The following MAP3K15 variants were observed in gnomAD, a reference collection of about 807,000 sequenced individuals.
MAP3K15 encodes MAPK/ERK kinase kinase 15.
MAP3K15 carries 124 observed loss-of-function variants against 99.5 expected under a neutral mutation model. The ratio of observed to expected loss-of-function variants is 1.25; its 90% confidence interval spans 1.08 to 1.45. The LOEUF is 1.45. MAP3K15 is among the 40% of genes most tolerant of loss of function. The pLI is 0.00. For missense variants in MAP3K15, 1,242 were observed against 1,079.7 expected, an observed-to-expected ratio of 1.15 and a Z score of -2.11; for synonymous variants, 494 against 439.6, an observed-to-expected ratio of 1.12 and a Z score of -1.55.
chrX:19,463,960 C>A (rs972584474), intron 4 of MAP3K15, among the ~76,000 whole-genome samples: 1 of 110,609 alleles, frequency 9.0e-6, no homozygotes, highest in African/African-American at 3.3e-5. Flanking sequence ...AGAGACAGAA[C>A]AATCAGAGAG....
intron 6 of MAP3K15, among the ~76,000 whole-genome samples, chrX:19,434,202 C>T (rs938958923): frequency 9.2e-6 from 1 of 108,925 alleles, no homozygotes; most frequent in Non-Finnish European, 1.9e-5. Context: ...ATAAATTATT[C>T]TTTTTAATTT....
rs762380428 is a variant in MAP3K15, at chrX:19,373,824, G to C, written c.2774-129C>G. On this transcript the variant is annotated intron_variant, in intron 20 of 28. Coordinates refer to ENST00000338883, the MANE Select transcript of MAP3K15 (RefSeq NM_001001671.4). ...CAGGATCCTGTAGAAATGTGGGTTG[G>C]GCGGGGGACGGGCCACAGGTGCTGT... 6.4e-4 allele frequency: 444 copies of C among 694,912 alleles called. 4 individuals are homozygous for C. The African/African-American group carries it at 8.7e-3, about 14-fold the overall frequency. The allele number at this position is 694,912 out of a possible 1,213,427, so 57.3% of individuals were successfully genotyped here. A position where few individuals can be genotyped will look rare whatever the true frequency, so the allele number is the denominator to read the frequency against.
At chrX:19,467,571 A>C (rs1375952538) in intron 3 of MAP3K15, among the ~76,000 whole-genome samples, 1 of 110,231 alleles carries the variant, frequency 9.1e-6, no homozygotes, top group Non-Finnish European at 1.9e-5. Flanking sequence ...GTTAGAGACC[A>C]GCCTGGCCAA....
intron 13 of MAP3K15, among the ~76,000 whole-genome samples, chrX:19,401,045 C>T (rs138957995): frequency 1.4e-3 from 158 of 111,566 alleles, no homozygotes; most frequent in African/African-American, 4.7e-3. Context: ...TTAGAATTAA[C>T]CATTTTTCTA....
Position 19,510,013 on chromosome X carries a change from T to C in MAP3K15, c.361+4888A>G, listed in dbSNP as rs769663051. On this transcript the variant is annotated intron_variant, in intron 1 of 28. Coordinates refer to ENST00000338883, the MANE Select transcript of MAP3K15 (RefSeq NM_001001671.4). ...AATCTAGAAGAAATGGATAAATTTC[T>C]GGACACATACACCCTCCCAAGACAA... 5.6e-4 allele frequency among the ~76,000 whole-genome samples: 63 copies of C among 111,958 alleles called. 1 individual carries two copies. Among genetic ancestry groups the C allele is most frequent in the Non-Finnish European group, 2.3e-4 (12 of 53,220 alleles).
chrX:19,469,039 T>C (rs1252867555), intron 3 of MAP3K15, among the ~76,000 whole-genome samples: 1 of 111,364 alleles, frequency 9.0e-6, no homozygotes, highest in African/African-American at 3.3e-5. Flanking sequence ...TTTGTAGATA[T>C]ACAATCATGT....
chrX:19,515,307 C>A lies in MAP3K15; in HGVS notation c.-46G>T. 1.2e-6 allele frequency: 1 copy of A among 814,724 alleles called. No individual in the cohort carries two copies. The highest frequency in any genetic ancestry group is 1.5e-6 in the Non-Finnish European group (1 of 668,078). 67.1% of individuals were successfully genotyped at this position (814,724 alleles called of 1,213,427 possible). ...CCCCTGGGCGAGTGGCCAGCGGCTG[C>A]GATCCGCTAGGAGGCACAAGTTACA... On this transcript the variant is annotated 5_prime_UTR_variant, in exon 1 of 29. Transcript: ENST00000338883.
At chrX:19,459,763 C>T (rs1469166990) in intron 5 of MAP3K15, among the ~76,000 whole-genome samples, 1 of 112,061 alleles carries the variant, frequency 8.9e-6, no homozygotes, top group African/African-American at 3.2e-5. Context: ...GGCAGGAGAA[C>T]AGCTTGAACC....
chrX:19,442,863 C>T (rs903812385), intron 6 of MAP3K15, among the ~76,000 whole-genome samples: 3 of 105,148 alleles, frequency 2.9e-5, no homozygotes, highest in African/African-American at 1.0e-4. Context: ...CCTGGGATTA[C>T]AGGTGCGCAC....
At chrX:19,410,448 A>C (rs1354597249) in intron 11 of MAP3K15, among the ~76,000 whole-genome samples, 1 of 111,789 alleles carries the variant, frequency 8.9e-6, no homozygotes, top group African/African-American at 3.3e-5. Flanking sequence ...AGCTAGAGAG[A>C]TATACAGTGG....
chrX:19,398,405 C>A (rs371303136), intron 14 of MAP3K15, 46 bp from the exon 15 acceptor site: 86 of 1,188,585 alleles, frequency 7.2e-5, no homozygotes, highest in Non-Finnish European at 9.4e-5. Flanking sequence ...CAACTTGTAG[C>A]GGAGAAGCCC....
At chrX:19,430,647 T>G (rs1387373652) in intron 7 of MAP3K15, among the ~76,000 whole-genome samples, 1 of 111,301 alleles carries the variant, frequency 9.0e-6, no homozygotes, top group Non-Finnish European at 1.9e-5. Context: ...CTCCATTTGA[T>G]GTTCCTTCTC....
intron 15 of MAP3K15, 69 bp from the exon 16 acceptor site, chrX:19,395,277 C>G: frequency 9.5e-7 from 1 of 1,049,159 alleles, no homozygotes; most frequent in Non-Finnish European, 1.3e-6. Flanking sequence ...TCTCACCTCA[C>G]CAGGACCTGC....
intron 13 of MAP3K15, among the ~76,000 whole-genome samples, chrX:19,406,985 G>A (rs2063653159): frequency 8.9e-6 from 1 of 112,569 alleles, no homozygotes; most frequent in Non-Finnish European, 1.9e-5. Context: ...ACAGGCGTGA[G>A]CTACTGCACC....
At chrX:19,399,248 G>A (rs1158475111) in intron 14 of MAP3K15, among the ~76,000 whole-genome samples, 3 of 111,334 alleles carry the variant, frequency 2.7e-5, no homozygotes, top group Non-Finnish European at 5.7e-5. Flanking sequence ...CCAACATAGC[G>A]AAACCCCATC....
chrX:19,374,105 C>T (rs1464829870), intron 20 of MAP3K15, among the ~76,000 whole-genome samples: 2 of 111,134 alleles, frequency 1.8e-5, no homozygotes, highest in African/African-American at 6.6e-5. Context: ...GGTTGGCACA[C>T]GATGACAAGC....
chrX:19,421,289 G>A lies in MAP3K15; in HGVS notation c.1439+4242C>T, dbSNP rs757701575. On this transcript the variant is annotated intron_variant, in intron 9 of 28. Coordinates refer to ENST00000338883, the MANE Select transcript of MAP3K15 (RefSeq NM_001001671.4). Reference sequence around the variant, plus strand: ...GATTGGATATCTAGAAAACCCCATCGTCTCGCCCAAAATCTCAAGCTGATA... The same window carrying A: ...GATTGGATATCTAGAAAACCCCATCATCTCGCCCAAAATCTCAAGCTGATA... 1.0e-3 allele frequency among the ~76,000 whole-genome samples: 114 copies of A among 111,324 alleles called. No homozygotes were observed. The South Asian group carries it at 0.037, about 36-fold the overall frequency.
In MAP3K15 at chrX:19,371,434, T is replaced by A. The variant is rs1384282925; in HGVS notation, c.3205A>T (p.Thr1069Ser). ...TCCACCTTGAGCTTTGATATTGTGG[T>A]CGCCATCACCCGGTGCTCTGGGGAG... is the stretch of plus-strand genomic sequence containing the variant. Reference protein sequence around the residue: ...IRSPEHRVMATTISKLKVDLD... With the variant: ...IRSPEHRVMASTISKLKVDLD... Residue 1069 changes from threonine (T) to serine (S), a missense_variant, in exon 23 of 29, where the codon ACC becomes TCC. Thr to Ser is a moderately conservative substitution (Grantham distance 58, BLOSUM62 1). Coordinates refer to ENST00000338883, the MANE Select transcript of MAP3K15 (RefSeq NM_001001671.4). 2 of 1,211,293 alleles carry A rather than the reference T, an allele frequency of 1.7e-6. No individual in the cohort carries two copies. Among genetic ancestry groups the A allele is most frequent in the Non-Finnish European group, 2.2e-6 (2 of 895,097 alleles).
chrX:19,474,543 T>TGGGG (rs1491234117), intron 3 of MAP3K15, among the ~76,000 whole-genome samples: 4 of 63,686 alleles, frequency 6.3e-5, no homozygotes, highest in Admixed American at 2.2e-4. Flanking sequence ...TCTTGGAGGT[T>TGGGG]GGGGGGGGGG....
Sources: gnomAD v4.1 joint callset for allele counts (sites outside exome capture counted in the v4.1 genomes callset) on GRCh38, gnomAD v4.1.1 for gene constraint, MANE v1.5 for transcripts, NCBI Gene and HGNC (gene_info 2026-07-23, HGNC 2026-07-21) for gene names.